GNB1: variants seen among roughly 807,000 people sequenced by gnomAD.
The protein encoded by GNB1 is G protein subunit beta 1, also known as guanine nucleotide-binding protein G(I)/G(S)/G(T) subunit beta-1.
GNB1 carries 2 observed loss-of-function variants against 42.9 expected under a neutral mutation model. The ratio of observed to expected loss-of-function variants is 0.05; its 90% confidence interval spans 0.02 to 0.15. GNB1 has a LOEUF of 0.15. Among genes scored for constraint, GNB1 ranks in the 10% least tolerant of loss-of-function variants. The pLI, the probability that GNB1 is intolerant of heterozygous loss-of-function variation, is 1.00. For missense variants in GNB1, 193 were observed against 462.2 expected (o/e 0.42, Z 5.34); for synonymous variants, 183 against 174.7 (o/e 1.05, Z -0.38).
chr1:1,791,141 A>G (rs1017227291), intron 8 of GNB1, among the ~76,000 whole-genome samples: 1 of 151,318 alleles, frequency 6.6e-6, no homozygotes, highest in Non-Finnish European at 1.5e-5. Flanking sequence ...CAAACAGGAG[A>G]GCAGCTGAGT....
intron 8 of GNB1, among the ~76,000 whole-genome samples, chr1:1,792,512 C>T (rs913532058): frequency 4.6e-4 from 69 of 151,648 alleles, no homozygotes; most frequent in African/African-American, 1.6e-3. Flanking sequence ...TCCTGGCCAA[C>T]GTGGTGAAAT....
In GNB1 at chr1:1,860,879, G is replaced by A. The variant is rs578103636; in HGVS notation, c.-95-21641C>T. On this transcript the variant is annotated intron_variant, in intron 1 of 11. Transcript: ENST00000378609. ...AACTGACACTTTGGGAGGCCGAGCC[G>A]GACAGATCGCTTGAGGTCAGGAGTT... Among the ~76,000 whole-genome samples the A allele has an allele frequency of 7.2e-5, 11 of 152,046 alleles. No homozygotes were observed. The South Asian group carries it at 8.3e-4, about 11-fold the overall frequency.
chr1:1,818,134 A>T (rs1030609588), intron 3 of GNB1: 15 of 348,430 alleles, frequency 4.3e-5, no homozygotes, highest in Non-Finnish European at 6.2e-5. Context: ...GGGGACCCAC[A>T]GCTGTGGCCA....
chr1:1,870,671 T>C (rs1485815631), intron 1 of GNB1, among the ~76,000 whole-genome samples: 2 of 152,116 alleles, frequency 1.3e-5, no homozygotes, highest in African/African-American at 4.8e-5. Flanking sequence ...ATTTCTGATA[T>C]AAAAAGCCAT....
Position 1,867,682 on chromosome 1 carries a change from C to A in GNB1, c.-96+23138G>T, listed in dbSNP as rs1649018264. On this transcript the variant is annotated intron_variant, in intron 1 of 11. Coordinates refer to ENST00000378609, the MANE Select transcript of GNB1 (RefSeq NM_002074.5). ...TATCATATATATTCCTAACATTTTTCTAATTTTCCTGCCTTTGAACTATAG... is the reference window on the plus strand; with the variant it reads ...TATCATATATATTCCTAACATTTTTATAATTTTCCTGCCTTTGAACTATAG... Among the ~76,000 whole-genome samples the A allele has an allele frequency of 2.6e-5, 4 of 152,080 alleles. No individual in the cohort carries two copies. In the South Asian group the frequency reaches 8.3e-4, roughly 31 times the overall value.
intron 1 of GNB1, among the ~76,000 whole-genome samples, chr1:1,855,115 C>G (rs1557930783): frequency 6.6e-6 from 1 of 151,024 alleles, no homozygotes; most frequent in African/African-American, 2.4e-5. Context: ...GCCGAGATAG[C>G]TCCACTGCAC....
chr1:1,831,713 T>C (rs146774834), intron 2 of GNB1, among the ~76,000 whole-genome samples: 43 of 151,578 alleles, frequency 2.8e-4, no homozygotes, highest in African/African-American at 9.7e-4. Flanking sequence ...CCTCCCAAAG[T>C]ACTGGGATTA....
chr1:1,858,133 G>C (rs1017855422), intron 1 of GNB1, among the ~76,000 whole-genome samples: 1 of 152,098 alleles, frequency 6.6e-6, no homozygotes, highest in Non-Finnish European at 1.5e-5. Context: ...CACAGTCACT[G>C]GTGTTTTTTC....
intron 7 of GNB1, among the ~76,000 whole-genome samples, chr1:1,795,339 G>A (rs1413255242): frequency 1.3e-5 from 2 of 152,130 alleles, no homozygotes; most frequent in South Asian, 2.1e-4. Flanking sequence ...CCAGGCCACC[G>A]AGCCTTGTAG....
chr1:1,792,812 T>A (rs1182965702), intron 8 of GNB1, among the ~76,000 whole-genome samples: 1 of 151,970 alleles, frequency 6.6e-6, no homozygotes, highest in Non-Finnish European at 1.5e-5. Context: ...ACGCCTGTAA[T>A]CCCAGCACTT....
chr1:1,857,253 G>T (rs951070472), intron 1 of GNB1, among the ~76,000 whole-genome samples: 1 of 146,932 alleles, frequency 6.8e-6, no homozygotes, highest in African/African-American at 2.5e-5. Flanking sequence ...AACTAAACTG[G>T]AAACGAGAAA....
intron 5 of GNB1, among the ~76,000 whole-genome samples, chr1:1,812,921 C>T (rs1371085163): frequency 6.7e-6 from 1 of 150,314 alleles, no homozygotes; most frequent in Non-Finnish European, 1.5e-5. Flanking sequence ...TCATCCCTTC[C>T]AGACTACCCA....
intron 1 of GNB1, among the ~76,000 whole-genome samples, chr1:1,853,630 G>C (rs1421072176): frequency 1.3e-5 from 2 of 152,252 alleles, no homozygotes; most frequent in African/African-American, 2.4e-5. Context: ...CCCTGAGTTG[G>C]AAATGTTTTT....
At chr1:1,830,566 A>T (rs11260616) in intron 2 of GNB1, among the ~76,000 whole-genome samples, 38,511 of 151,426 alleles carry the variant, frequency 0.25, 5,086 homozygotes, top group African/African-American at 0.28. Flanking sequence ...TACATTTTTT[A>T]AAAAAAATTT....
intron 1 of GNB1, among the ~76,000 whole-genome samples, chr1:1,860,609 C>G (rs1648567752): frequency 6.7e-6 from 1 of 149,288 alleles, no homozygotes; most frequent in Admixed American, 6.7e-5. Flanking sequence ...TGCACTCCAG[C>G]CTGGGCAACA....
At chr1:1,815,636 A>G in intron 5 of GNB1, 120 bp downstream of exon 5, 1 of 625,480 alleles carries the variant, frequency 1.6e-6, no homozygotes, top group South Asian at 1.9e-5. Flanking sequence ...CAGAGTTCTG[A>G]TTCAACTTCC....
chr1:1,847,599 T>C (rs575312139), intron 1 of GNB1, among the ~76,000 whole-genome samples: 3 of 152,288 alleles, frequency 2.0e-5, no homozygotes, highest in African/African-American at 7.2e-5. Context: ...CAGAACATTG[T>C]TTAAGTCTGG....
At chr1:1,816,538 C>T (rs1019354084) in intron 4 of GNB1, among the ~76,000 whole-genome samples, 1 of 151,978 alleles carries the variant, frequency 6.6e-6, no homozygotes, top group Non-Finnish European at 1.5e-5. Context: ...AGCACATCCC[C>T]TAAAGCATTT....
At position 1,806,542 on chromosome 1, in the gene GNB1, G is replaced by C; in HGVS notation, c.204-4C>G. 6.2e-7 allele frequency: 1 copy of C among 1,603,360 alleles called. No homozygotes were observed. The highest frequency in any genetic ancestry group is 8.5e-7 in the Non-Finnish European group (1 of 1,170,734). ...CTGCGAGGCACTGACGAGAAGCCTGGAGGGACAGACAAAAGCAAACCTATC... is the reference window on the plus strand; with the variant it reads ...CTGCGAGGCACTGACGAGAAGCCTGCAGGGACAGACAAAAGCAAACCTATC... On this transcript the variant is annotated splice_polypyrimidine_tract_variant and splice_region_variant and intron_variant, in intron 5 of 11. Coordinates refer to ENST00000378609, the MANE Select transcript of GNB1 (RefSeq NM_002074.5).
Sources: allele counts gnomAD v4.1 joint callset (sites outside exome capture counted in the v4.1 genomes callset), GRCh38; gene constraint gnomAD v4.1.1; transcripts MANE v1.5; gene names NCBI Gene and HGNC (gene_info 2026-07-23, HGNC 2026-07-21).